EHMT1: variants seen among roughly 807,000 people sequenced by gnomAD.
EHMT1 encodes the protein histone-lysine N-methyltransferase EHMT1.
EHMT1 carries 15 observed loss-of-function variants against 147.2 expected under a neutral mutation model. The ratio of observed to expected loss-of-function variants is 0.10; its 90% confidence interval spans 0.07 to 0.16. The LOEUF (loss-of-function observed/expected upper bound fraction) is 0.16, where lower values mean the gene tolerates loss of function less well. EHMT1 is among the 10% of genes least tolerant of loss of function. The pLI is 1.00. For missense variants in EHMT1, 1,587 were observed against 1,772.4 expected, an observed-to-expected ratio of 0.90 and a Z score of 1.88; for synonymous variants, 795 against 709.6, an observed-to-expected ratio of 1.12 and a Z score of -1.91.
chr9:137,784,213 C>CT, intron 15 of EHMT1: 1 of 1,548,890 alleles, frequency 6.5e-7, no homozygotes, highest in Non-Finnish European at 8.7e-7. Context: ...GAGGAAGATG[C>CT]TCCAGCACAG....
chr9:137,638,885 GGCCGAGGCAGGGGATGGCACTCCAAA>G, intron 1 of EHMT1, among the ~76,000 whole-genome samples: 1 of 152,120 alleles, frequency 6.6e-6, no homozygotes, highest in Non-Finnish European at 1.5e-5. Context: ...CCCAGAGCCT[GGCCGAGGCAGGGGATGGCACTCCAAA>G]GCCATTACAG....
chr9:137,666,376 T>C (rs949595149), intron 1 of EHMT1, among the ~76,000 whole-genome samples: 17 of 152,238 alleles, frequency 1.1e-4, no homozygotes, highest in African/African-American at 4.1e-4. Flanking sequence ...GTTTGAACAT[T>C]TATAAAGAGC....
chr9:137,832,081 G>C (rs1169883020), intron 25 of EHMT1, among the ~76,000 whole-genome samples: 2 of 149,632 alleles, frequency 1.3e-5, no homozygotes, highest in African/African-American at 4.9e-5. Flanking sequence ...CTCCTACGTG[G>C]CCGCTGCACT....
intron 1 of EHMT1, among the ~76,000 whole-genome samples, chr9:137,671,281 G>GC (rs1435592045): frequency 1.3e-5 from 2 of 152,112 alleles, no homozygotes; most frequent in East Asian, 3.8e-4. Flanking sequence ...TTGTGGGATT[G>GC]CCAGTGATTT....
intron 1 of EHMT1, among the ~76,000 whole-genome samples, chr9:137,626,646 T>C (rs748225958): frequency 1.3e-5 from 2 of 152,160 alleles, no homozygotes; most frequent in African/African-American, 2.4e-5. Flanking sequence ...CTTTAGTGTC[T>C]CATTGTCTTT....
chr9:137,778,605 G>A (rs892844296), intron 13 of EHMT1, among the ~76,000 whole-genome samples: 2 of 152,152 alleles, frequency 1.3e-5, no homozygotes, highest in African/African-American at 4.8e-5. Flanking sequence ...CTCTTGAAGC[G>A]ACGGTACCAT....
At chr9:137,806,853 C>T (rs772557018) in intron 18 of EHMT1, among the ~76,000 whole-genome samples, 2 of 152,222 alleles carry the variant, frequency 1.3e-5, no homozygotes, top group Non-Finnish European at 1.5e-5. Context: ...TTCCCTGGGT[C>T]CTCACCTGCA....
chr9:137,831,943 T>A (rs543881195), intron 25 of EHMT1, among the ~76,000 whole-genome samples: 75 of 147,168 alleles, frequency 5.1e-4, no homozygotes, highest in African/African-American at 1.9e-3. Flanking sequence ...CTCCGCCTCC[T>A]ACGTGGCTGC....
chr9:137,718,199 AC>A (rs1945555379), intron 3 of EHMT1, among the ~76,000 whole-genome samples: 1 of 151,952 alleles, frequency 6.6e-6, no homozygotes, highest in Non-Finnish European at 1.5e-5. Context: ...CCTCACGCGC[AC>A]CGTGCTGATT....
At chr9:137,622,093 C>T (rs907733222) in intron 1 of EHMT1, among the ~76,000 whole-genome samples, 1 of 150,278 alleles carries the variant, frequency 6.7e-6, no homozygotes, top group African/African-American at 2.4e-5. Flanking sequence ...TTAGGTATAT[C>T]TCCTAATGCT....
chr9:137,710,717 G>C (rs1944627117), intron 1 of EHMT1, among the ~76,000 whole-genome samples: 1 of 152,154 alleles, frequency 6.6e-6, no homozygotes, highest in African/African-American at 2.4e-5. Flanking sequence ...AATGATACAT[G>C]AATGCGTTCT....
chr9:137,682,689 C>T (rs1433193795), intron 1 of EHMT1, among the ~76,000 whole-genome samples: 1 of 152,224 alleles, frequency 6.6e-6, no homozygotes, highest in Non-Finnish European at 1.5e-5. Flanking sequence ...CTTCTGTGTG[C>T]CGCCTTCCCC....
At position 137,762,772 on chromosome 9, in the gene EHMT1, C is replaced by T; in HGVS notation, c.1599C>T (p.Thr533=). The T allele has an allele frequency of 6.2e-7, 1 of 1,614,228 alleles. No individual in the cohort carries two copies. The change falls in exon 10 of 27, where the codon ACC becomes ACT. Residue 533 remains threonine, a synonymous_variant. Transcript: ENST00000460843. Reference sequence around the variant, plus strand: ...AAACACCGAAGAGTCGAGAGATCACCACACTGGCCAACAACCAGTGCATGG... The same window carrying T: ...AAACACCGAAGAGTCGAGAGATCACTACACTGGCCAACAACCAGTGCATGG... ...RMETPKSREI[T]TLANNQCMAT... is the part of the protein sequence containing the mutation.
At chr9:137,717,979 T>C (rs1329078022) in intron 3 of EHMT1, among the ~76,000 whole-genome samples, 1 of 152,232 alleles carries the variant, frequency 6.6e-6, no homozygotes, top group Non-Finnish European at 1.5e-5. Context: ...GAATGAGTCT[T>C]GAATCCTGAG....
intron 16 of EHMT1, chr9:137,792,126 C>G (rs902775888): frequency 1.3e-5 from 6 of 470,196 alleles, no homozygotes; most frequent in Middle Eastern, 3.2e-4. Flanking sequence ...TGTGAAAGAA[C>G]AGAGTTGGAG....
At chr9:137,759,470 G>A (rs1319008471) in intron 9 of EHMT1, among the ~76,000 whole-genome samples, 2 of 152,230 alleles carry the variant, frequency 1.3e-5, no homozygotes, top group Non-Finnish European at 2.9e-5. Flanking sequence ...CGTTCCACCT[G>A]TCAGTGTGCG....
intron 16 of EHMT1, among the ~76,000 whole-genome samples, chr9:137,795,435 A>ACACACACACT (rs1554887527): frequency 4.5e-4 from 60 of 132,666 alleles, no homozygotes; most frequent in Non-Finnish European, 4.7e-4. Flanking sequence ...ACACTCTCAC[A>ACACACACACT]CTCACATACA....
chr9:137,647,727 T>C (rs1845006215), intron 1 of EHMT1, among the ~76,000 whole-genome samples: 1 of 151,944 alleles, frequency 6.6e-6, no homozygotes, highest in Non-Finnish European at 1.5e-5. Flanking sequence ...TCCGAGTAGC[T>C]GGCATTACAC....
At chr9:137,770,673 C>A (rs1379448374) in intron 10 of EHMT1, among the ~76,000 whole-genome samples, 1 of 152,222 alleles carries the variant, frequency 6.6e-6, no homozygotes, top group Non-Finnish European at 1.5e-5. Flanking sequence ...TCCCTCCCAG[C>A]CAGCTACCTT....
Sources: gnomAD v4.1 joint callset for allele counts (sites outside exome capture counted in the v4.1 genomes callset) on GRCh38, gnomAD v4.1.1 for gene constraint, MANE v1.5 for transcripts, NCBI Gene and HGNC (gene_info 2026-07-23, HGNC 2026-07-21) for gene names.